FAM171B: variants seen among roughly 807,000 people sequenced by gnomAD.
The protein encoded by FAM171B is protein FAM171B.
In FAM171B, 19 loss-of-function variants were observed where a neutral mutation model predicts 75.6. The observed-to-expected ratio is 0.25, with a 90% CI of 0.18 to 0.37. FAM171B has a LOEUF of 0.37. Among genes scored for constraint, FAM171B ranks in the 10% least tolerant of loss-of-function variants. The pLI is 1.00. For missense variants in FAM171B, 848 were observed against 982.4 expected, an observed-to-expected ratio of 0.86 and a Z score of 1.83; for synonymous variants, 367 against 361.7, an observed-to-expected ratio of 1.01 and a Z score of -0.17.
At chr2:186,743,295 T>C (rs568328415) in intron 2 of FAM171B, among the ~76,000 whole-genome samples, 188 bp from the exon 3 acceptor site, 11 of 152,296 alleles carry the variant, frequency 7.2e-5, no homozygotes, top group Non-Finnish European at 1.5e-4. Flanking sequence ...CTTCTCACTT[T>C]ATTGTGACCT....
At chr2:186,723,698 G>T (rs1191524294) in intron 1 of FAM171B, among the ~76,000 whole-genome samples, 1 of 152,168 alleles carries the variant, frequency 6.6e-6, no homozygotes. Flanking sequence ...AGGAAGAAAT[G>T]TTAAAGAATT....
At chr2:186,759,203 T>C (rs1485989488) in intron 6 of FAM171B, among the ~76,000 whole-genome samples, 1 of 152,166 alleles carries the variant, frequency 6.6e-6, no homozygotes, top group African/African-American at 2.4e-5. Context: ...CATCTGTTGA[T>C]AGACACTTAG....
chr2:186,743,613 T>G (rs1167274923), intron 3 of FAM171B, 38 bp downstream of exon 3: 1 of 1,330,490 alleles, frequency 7.5e-7, no homozygotes, highest in Admixed American at 1.7e-5. Context: ...ACACTTAAAG[T>G]TATTGTCGTA....
At chr2:186,696,530 T>C (rs1292169831) in intron 1 of FAM171B, among the ~76,000 whole-genome samples, 1 of 144,196 alleles carries the variant, frequency 6.9e-6, no homozygotes, top group Non-Finnish European at 1.5e-5. Flanking sequence ...TCTCTCATAC[T>C]AGATGCCCAG....
At chr2:186,699,156 G>A (rs1182475785) in intron 1 of FAM171B, among the ~76,000 whole-genome samples, 1 of 152,122 alleles carries the variant, frequency 6.6e-6, no homozygotes, top group East Asian at 1.9e-4. Context: ...CAGCTGTATT[G>A]CTGGATCATA....
At chr2:186,717,798 G>A (rs1055993223) in intron 1 of FAM171B, among the ~76,000 whole-genome samples, 1 of 152,074 alleles carries the variant, frequency 6.6e-6, no homozygotes, top group African/African-American at 2.4e-5. Flanking sequence ...CTTGCTGTGT[G>A]TTTCCAAAGC....
Position 186,762,976 on chromosome 2 carries a change from G to C in FAM171B, c.*153G>C, listed in dbSNP as rs577504929. On this transcript the variant is annotated 3_prime_UTR_variant, in exon 8 of 8. Coordinates refer to ENST00000304698, the MANE Select transcript of FAM171B (RefSeq NM_177454.4). The surrounding 1 kb of genome is among the most constrained non-coding windows in gnomAD (Gnocchi z 4.0). ...TAAATGGTAATTCAGTAATCAGAGA[G>C]AAAGATACCAAGGAATGCTTTTTCT... 2.3e-6 allele frequency: 2 copies of C among 885,166 alleles called. No individual in the cohort carries two copies. The highest frequency in any genetic ancestry group is 3.3e-6 in the Non-Finnish European group (2 of 598,166). 54.8% of individuals were successfully genotyped at this position (885,166 alleles called of 1,614,324 possible). A position where few individuals can be genotyped will look rare whatever the true frequency, so the allele number is the denominator to read the frequency against.
chr2:186,751,046 A>G, intron 4 of FAM171B, 88 bp from the exon 5 acceptor site: 1 of 983,860 alleles, frequency 1.0e-6, no homozygotes, highest in East Asian at 2.4e-5. Flanking sequence ...TTGGTGAAAT[A>G]GAGGAACTAT....
chr2:186,699,951 T>C lies in FAM171B; in HGVS notation c.238+5540T>C, dbSNP rs577813682. ...TCACTGTAGATGAATAGATTTATTT[T>C]TGGGTTCTCTATTCTGTTCCATTGG... On this transcript the variant is annotated intron_variant, in intron 1 of 7. Transcript: ENST00000304698. Among the ~76,000 whole-genome samples, 15 of 152,180 alleles carry C rather than the reference T, an allele frequency of 9.9e-5. 1 individual carries two copies. The South Asian group carries it at 2.9e-3, about 29-fold the overall frequency.
intron 1 of FAM171B, among the ~76,000 whole-genome samples, chr2:186,707,113 T>A (rs1227553521): frequency 1.3e-5 from 2 of 152,182 alleles, no homozygotes; most frequent in Non-Finnish European, 2.9e-5. Flanking sequence ...TATCTACCAA[T>A]TATTTTGATA....
In FAM171B at chr2:186,694,425, G is replaced by A; in HGVS notation, c.238+14G>A. 6.2e-7 allele frequency: 1 copy of A among 1,602,108 alleles called. No individual in the cohort carries two copies. Among genetic ancestry groups the A allele is most frequent in the Admixed American group, 1.7e-5 (1 of 58,936 alleles). On this transcript the variant is annotated intron_variant, in intron 1 of 7. Coordinates refer to ENST00000304698, the MANE Select transcript of FAM171B (RefSeq NM_177454.4). ...TGACGGTTCCAGGTAGGTCCTGGCT[G>A]CCCAGCCCGGTCTTTCAGTCTCGGC...
At chr2:186,713,566 G>A (rs1689837080) in intron 1 of FAM171B, among the ~76,000 whole-genome samples, 1 of 152,106 alleles carries the variant, frequency 6.6e-6, no homozygotes, top group African/African-American at 2.4e-5. Context: ...GGTAGGGCGA[G>A]AGAAAAAGTA....
chr2:186,723,294 T>C (rs895847990), intron 1 of FAM171B, among the ~76,000 whole-genome samples: 1 of 152,218 alleles, frequency 6.6e-6, no homozygotes, highest in Admixed American at 6.5e-5. Flanking sequence ...GTTTTATCAA[T>C]AATTTGAAAC....
intron 6 of FAM171B, among the ~76,000 whole-genome samples, chr2:186,759,655 T>C (rs1690586096): frequency 6.6e-6 from 1 of 152,058 alleles, no homozygotes; most frequent in African/African-American, 2.4e-5. Context: ...AAATGTTCTA[T>C]TCAAGTCTTT....
intron 6 of FAM171B, among the ~76,000 whole-genome samples, chr2:186,759,550 A>G (rs1326757421): frequency 6.6e-6 from 1 of 152,126 alleles, no homozygotes; most frequent in Non-Finnish European, 1.5e-5. Context: ...CGGGGATAAG[A>G]TGATCTTATA....
intron 1 of FAM171B, among the ~76,000 whole-genome samples, chr2:186,701,853 A>G (rs761589135): frequency 6.6e-6 from 1 of 152,306 alleles, no homozygotes; most frequent in African/African-American, 2.4e-5. Flanking sequence ...CCCCAAGTAT[A>G]TAAATATTGA....
At position 186,763,680 on chromosome 2, in the gene FAM171B, T is replaced by C. The variant is rs1690657584; in HGVS notation, c.*857T>C. On this transcript the variant is annotated 3_prime_UTR_variant, in exon 8 of 8. Coordinates refer to ENST00000304698, the MANE Select transcript of FAM171B (RefSeq NM_177454.4). ...GGCTAAATTGGTTTTAATATATTTC[T>C]TCTATTCTAAAAACCTGAACTCAGT... is the stretch of plus-strand genomic sequence containing the variant. 1 of 152,078 alleles carries C rather than the reference T, an allele frequency of 6.6e-6. No individual in the cohort carries two copies. Among genetic ancestry groups the C allele is most frequent in the Admixed American group, 6.6e-5 (1 of 15,246 alleles). 9.4% of individuals were successfully genotyped at this position (152,078 alleles called of 1,614,324 possible).
At chr2:186,697,070 C>T (rs1202478827) in intron 1 of FAM171B, among the ~76,000 whole-genome samples, 2 of 152,056 alleles carry the variant, frequency 1.3e-5, no homozygotes, top group East Asian at 3.9e-4. Flanking sequence ...ACTTTCTCAG[C>T]ATTTGTTCGT....
intron 1 of FAM171B, among the ~76,000 whole-genome samples, chr2:186,712,008 T>G (rs1032731406): frequency 6.6e-5 from 10 of 152,208 alleles, no homozygotes; most frequent in Non-Finnish European, 1.2e-4. Flanking sequence ...ATGAATTTCT[T>G]TAAGGCATAG....
Sources: gnomAD v4.1 joint callset for allele counts (sites outside exome capture counted in the v4.1 genomes callset) on GRCh38, gnomAD v4.1.1 for gene constraint, Gnocchi (gnomAD v3.1) non-coding constraint, MANE v1.5 for transcripts, NCBI Gene and HGNC (gene_info 2026-07-23, HGNC 2026-07-21) for gene names.